RBFOX1: variants seen among roughly 807,000 people sequenced by gnomAD.
RBFOX1 encodes RNA binding fox-1 homolog 1, also known as RNA binding protein fox-1 homolog 1.
Under a neutral mutation model 57.7 loss-of-function variants are expected in RBFOX1, and 8 were observed. The ratio of observed to expected loss-of-function variants is 0.14; its 90% CI spans 0.08 to 0.25. The LOEUF (loss-of-function observed/expected upper bound fraction) is 0.25. Ranked by LOEUF, RBFOX1 falls within the 10% of genes least tolerant of loss-of-function variation. The probability of loss-of-function intolerance (pLI) is 1.00; values close to 1 mark genes in which losing one functional copy is unlikely to be tolerated. For missense variants in RBFOX1, 611 were observed against 548.5 expected (o/e 1.11, Z -1.14); for synonymous variants, 326 against 222.4 (o/e 1.47, Z -4.15).
intron 2 of RBFOX1, among the ~76,000 whole-genome samples, chr16:6,499,084 C>G (rs1172620367): frequency 6.6e-6 from 1 of 152,228 alleles, no homozygotes; most frequent in Non-Finnish European, 1.5e-5. Flanking sequence ...TGTGTTTATT[C>G]AGCTCCGTGG....
chr16:5,455,550 T>C (rs959048277), intron 1 of RBFOX1, among the ~76,000 whole-genome samples: 1 of 152,222 alleles, frequency 6.6e-6, no homozygotes, highest in African/African-American at 2.4e-5. Flanking sequence ...CATTCTTACC[T>C]AAGGTAACCA....
rs192417542 is a variant in RBFOX1, at chr16:5,243,788, T to G, written c.219+3683T>G. Among the ~76,000 whole-genome samples the G allele has an allele frequency of 4.1e-3, 626 of 152,344 alleles. 2 individuals carry two copies. The highest frequency in any genetic ancestry group is 6.8e-3 in the Middle Eastern group (2 of 294). On this transcript the variant is annotated intron_variant, in intron 1 of 2. Coordinates refer to the RBFOX1 transcript ENST00000585867. ...TAATACTACTGCAGGGGACTCAGTT[T>G]TCTCATCTATAAAATGGAGATAAAT...
chr16:6,596,331 A>G (rs1320730168), intron 2 of RBFOX1, among the ~76,000 whole-genome samples: 1 of 152,156 alleles, frequency 6.6e-6, no homozygotes, highest in Non-Finnish European at 1.5e-5. Context: ...TTGCATATGG[A>G]TATCCAGTTA....
chr16:6,990,708 T>C (rs2091282218), intron 3 of RBFOX1, among the ~76,000 whole-genome samples: 1 of 152,158 alleles, frequency 6.6e-6, no homozygotes, highest in South Asian at 2.1e-4. Flanking sequence ...TAGTTGTGAA[T>C]GTGAGCTTGG....
At chr16:6,859,399 G>C (rs550117472) in intron 3 of RBFOX1, among the ~76,000 whole-genome samples, 1 of 151,394 alleles carries the variant, frequency 6.6e-6, no homozygotes, top group Admixed American at 6.6e-5. Flanking sequence ...CCCATACTTG[G>C]CTCTAATATC....
At chr16:5,712,695 C>G (rs577587675) in intron 3 of RBFOX1, among the ~76,000 whole-genome samples, 24 of 152,282 alleles carry the variant, frequency 1.6e-4, no homozygotes, top group African/African-American at 5.3e-4. Flanking sequence ...TAGCAGAGTC[C>G]AGATTTTAAC....
chr16:5,881,563 C>T (rs1285970371), intron 4 of RBFOX1, among the ~76,000 whole-genome samples: 1 of 152,002 alleles, frequency 6.6e-6, no homozygotes. Flanking sequence ...GCTTATAATC[C>T]CAGCTACTTG....
chr16:5,378,318 C>G (rs1411278707), intron 1 of RBFOX1, among the ~76,000 whole-genome samples: 1 of 151,548 alleles, frequency 6.6e-6, no homozygotes, highest in African/African-American at 2.5e-5. Flanking sequence ...TGTCCTGCCT[C>G]TGCTGGCCAC....
At chr16:6,841,072 T>C (rs2093435201) in intron 3 of RBFOX1, among the ~76,000 whole-genome samples, 1 of 152,136 alleles carries the variant, frequency 6.6e-6, no homozygotes, top group African/African-American at 2.4e-5. Context: ...CCTGTTTGTT[T>C]GTTTTTAATT....
At chr16:7,538,370 A>G (rs1370148214) in intron 5 of RBFOX1, among the ~76,000 whole-genome samples, 2 of 152,090 alleles carry the variant, frequency 1.3e-5, no homozygotes, top group South Asian at 2.1e-4. Flanking sequence ...TATGGTGTCC[A>G]CTGTTATTAC....
intron 1 of RBFOX1, among the ~76,000 whole-genome samples, chr16:5,245,342 TG>T (rs1442799995): frequency 1.3e-5 from 2 of 152,114 alleles, no homozygotes; most frequent in Non-Finnish European, 2.9e-5. Flanking sequence ...TGAGGTTGCT[TG>T]GGACCCAGGG....
intron 4 of RBFOX1, among the ~76,000 whole-genome samples, chr16:7,394,368 A>G (rs2098105300): frequency 6.6e-6 from 1 of 151,650 alleles, no homozygotes; most frequent in South Asian, 2.1e-4. Context: ...GAGTAGTTCC[A>G]ATTTTACCCA....
intron 2 of RBFOX1, among the ~76,000 whole-genome samples, chr16:6,562,248 C>G (rs945178157): frequency 6.6e-6 from 1 of 152,188 alleles, no homozygotes; most frequent in Non-Finnish European, 1.5e-5. Context: ...ACTTTAAGAC[C>G]TGATTACCTT....
chr16:7,677,510 G>C (rs1053834912), intron 14 of RBFOX1, among the ~76,000 whole-genome samples: 2 of 152,168 alleles, frequency 1.3e-5, no homozygotes, highest in African/African-American at 2.4e-5. Flanking sequence ...TGGATGGGCA[G>C]GTTGCGGGGG....
intron 4 of RBFOX1, among the ~76,000 whole-genome samples, chr16:7,473,473 T>G (rs9673168): frequency 0.48 from 70,340 of 147,408 alleles, 16,957 homozygotes; most frequent in Middle Eastern, 0.59. Context: ...CCTTTATACA[T>G]AATATATATG....
At chr16:5,464,304 C>T (rs1282043767) in intron 1 of RBFOX1, among the ~76,000 whole-genome samples, 1 of 152,210 alleles carries the variant, frequency 6.6e-6, no homozygotes, top group African/African-American at 2.4e-5. Flanking sequence ...CATTGGGGTC[C>T]AGATGCCATG....
intron 2 of RBFOX1, among the ~76,000 whole-genome samples, chr16:6,486,065 G>T (rs2095474590): frequency 7.2e-6 from 1 of 138,484 alleles, no homozygotes; most frequent in Non-Finnish European, 1.5e-5. Flanking sequence ...AAAGTTGAAG[G>T]AGATCTCAGT....
At chr16:6,766,062 C>T in intron 3 of RBFOX1, among the ~76,000 whole-genome samples, 1 of 151,946 alleles carries the variant, frequency 6.6e-6, no homozygotes, top group East Asian at 1.9e-4. Flanking sequence ...CACTAAAATC[C>T]TAGATTTCAA....
intron 4 of RBFOX1, among the ~76,000 whole-genome samples, chr16:7,410,402 C>A (rs1342430199): frequency 6.6e-6 from 1 of 152,256 alleles, no homozygotes; most frequent in Non-Finnish European, 1.5e-5. Flanking sequence ...GCAGCCTCGG[C>A]TGAGCGTGAT....
Sources: allele counts gnomAD v4.1 joint callset (sites outside exome capture counted in the v4.1 genomes callset), GRCh38; gene constraint gnomAD v4.1.1; transcripts MANE v1.5; gene names NCBI Gene and HGNC (gene_info 2026-07-23, HGNC 2026-07-21).